Variants in EEF1A2 observed in about 807,000 individuals in gnomAD.
EEF1A2 encodes eukaryotic translation elongation factor 1 alpha 2, also known as elongation factor 1-alpha 2.
Under a neutral mutation model 39.3 loss-of-function variants are expected in EEF1A2, and 5 were observed. That is an observed-to-expected ratio of 0.13 (90% confidence interval 0.07 to 0.27). The LOEUF (loss-of-function observed/expected upper bound fraction) is 0.27, where lower values mean the gene tolerates loss of function less well. Ranked by LOEUF, EEF1A2 falls within the 10% of genes least tolerant of loss-of-function variation. EEF1A2 has a pLI of 1.00. For missense variants in EEF1A2, 218 were observed against 681.4 expected (o/e 0.32, Z 7.57); for synonymous variants, 287 against 293.7 (o/e 0.98, Z 0.23).
chr20:63,491,959 TGG>T (rs2082384075), intron 5 of EEF1A2, among the ~76,000 whole-genome samples: 1 of 4,628 alleles, frequency 2.2e-4, no homozygotes, highest in Admixed American at 3.5e-3. Flanking sequence ...GATGGGGAGG[TGG>T]ATGGATGGAT....
chr20:63,490,647 A>G lies in EEF1A2; in HGVS notation c.861T>C (p.Thr287=). Reference sequence around the variant, plus strand: ...GGTGCATCTCCACTGACTTCACCTCAGTGGTGATGTTCACTGGCGCAAAGG... The same window carrying G: ...GGTGCATCTCCACTGACTTCACCTCGGTGGTGATGTTCACTGGCGCAAAGG... ...VVTFAPVNIT[T]EVKSVEMHHE... is the part of the protein sequence containing the mutation. Residue 287 remains threonine (T), a synonymous_variant, in exon 6 of 8, where the codon ACT becomes ACC. Transcript: ENST00000217182. 1.2e-6 allele frequency: 2 copies of G among 1,612,506 alleles called. No individual in the cohort carries two copies. The highest frequency in any genetic ancestry group is 1.7e-6 in the Non-Finnish European group (2 of 1,179,890).
chr20:63,493,737 C>T (rs1277574634), intron 4 of EEF1A2, among the ~76,000 whole-genome samples: 4 of 152,238 alleles, frequency 2.6e-5, no homozygotes, highest in East Asian at 1.9e-4. Flanking sequence ...CCGAGCTTGG[C>T]CCAGCCTTGT....
chr20:63,494,019 G>A (rs915961128), intron 4 of EEF1A2, among the ~76,000 whole-genome samples: 1 of 152,258 alleles, frequency 6.6e-6, no homozygotes, highest in Non-Finnish European at 1.5e-5. Context: ...CGAGCCTCGT[G>A]AGATGGAGGC....
In EEF1A2 at chr20:63,488,791, C is replaced by T. The variant is rs1044096268; in HGVS notation, c.1264+127G>A. On this transcript the variant is annotated intron_variant, in intron 7 of 7. Coordinates refer to ENST00000217182, the MANE Select transcript of EEF1A2 (RefSeq NM_001958.5). ...GAGGCCGTGGCTCTCCTGCCATGCT[C>T]TGGGCCAAGCTCCGCAGGAAAGGGG... 3.0e-5 allele frequency: 32 copies of T among 1,073,454 alleles called. No homozygotes were observed. The East Asian group carries it at 8.3e-4, about 28-fold the overall frequency. 66.5% of individuals were successfully genotyped at this position (1,073,454 alleles called of 1,614,324 possible).
At chr20:63,492,671 TAGAG>T (rs1169811136) in intron 5 of EEF1A2, among the ~76,000 whole-genome samples, 2 of 129,712 alleles carry the variant, frequency 1.5e-5, no homozygotes, top group African/African-American at 3.0e-5. Context: ...GATGGATGGA[TAGAG>T]AGAAGGATGG....
At chr20:63,489,184 A>G in intron 6 of EEF1A2, 32 bp from the exon 7 acceptor site, 1 of 1,602,262 alleles carries the variant, frequency 6.2e-7, no homozygotes, top group Non-Finnish European at 8.5e-7. Flanking sequence ...GCCATCAGGC[A>G]CATCGGCGGT....
At chr20:63,495,817 C>A in intron 3 of EEF1A2, 39 bp downstream of exon 3, 1 of 1,603,802 alleles carries the variant, frequency 6.2e-7, no homozygotes. Flanking sequence ...AAGGGTGCAG[C>A]GGCCTCTCCC....
At position 63,498,150 on chromosome 20, in the gene EEF1A2, G is replaced by C. The variant is rs756354182; in HGVS notation, c.-71-316C>G. On this transcript the variant is annotated intron_variant, in intron 1 of 7. Transcript: ENST00000217182. The surrounding 1 kb of genome is among the most constrained non-coding windows in gnomAD (Gnocchi z 4.1). ...GACCACGCAGCGCCAGGCTGGGTACGTCCGTGACCAGCAGAGCCGGGTGAT... is the reference window on the plus strand; with the variant it reads ...GACCACGCAGCGCCAGGCTGGGTACCTCCGTGACCAGCAGAGCCGGGTGAT... The C allele has an allele frequency of 3.4e-4, 57 of 165,632 alleles. No homozygotes were observed. The highest frequency in any genetic ancestry group is 1.8e-4 in the Non-Finnish European group (14 of 76,992). 10.3% of individuals were successfully genotyped at this position (165,632 alleles called of 1,614,324 possible). A position where few individuals can be genotyped will look rare whatever the true frequency, so the allele number is the denominator to read the frequency against.
intron 7 of EEF1A2, 127 bp from the exon 8 acceptor site, chr20:63,488,552 G>A (rs1039114301): frequency 8.0e-6 from 10 of 1,254,860 alleles, no homozygotes; most frequent in African/African-American, 1.6e-5. Context: ...CGCAGAGCGC[G>A]CCCCTGTGAA....
intron 4 of EEF1A2, among the ~76,000 whole-genome samples, chr20:63,493,962 G>C (rs915054189): frequency 6.6e-6 from 1 of 152,220 alleles, no homozygotes; most frequent in Non-Finnish European, 1.5e-5. Flanking sequence ...AGTGGCGTTC[G>C]CCACATGATA....
chr20:63,488,643 C>T (rs1283848950), intron 7 of EEF1A2, among the ~76,000 whole-genome samples: 1 of 152,236 alleles, frequency 6.6e-6, no homozygotes, highest in Admixed American at 6.5e-5. Flanking sequence ...GCAGCCCTAA[C>T]GCTGCCACTG....
chr20:63,495,254 A>G (rs1464574465), intron 3 of EEF1A2, among the ~76,000 whole-genome samples, 153 bp from the exon 4 acceptor site: 2 of 152,148 alleles, frequency 1.3e-5, no homozygotes, highest in East Asian at 3.9e-4. Flanking sequence ...GGGGGTCCCC[A>G]CTTCAAGGGC....
intron 5 of EEF1A2, among the ~76,000 whole-genome samples, chr20:63,491,728 GGGGAGATGGATGAGTA>G (rs2082379828): frequency 6.6e-6 from 1 of 151,148 alleles, no homozygotes; most frequent in African/African-American, 2.4e-5. Flanking sequence ...AAGGATGGGT[GGGGAGATGGATGAGTA>G]GGGAGATGGA....
Position 63,488,294 on chromosome 20 carries a change from C to T in EEF1A2, c.*4G>A. On this transcript the variant is annotated 3_prime_UTR_variant, in exon 8 of 8. Coordinates refer to ENST00000217182, the MANE Select transcript of EEF1A2 (RefSeq NM_001958.5). ...GGGAGGGTCGCGCCGCGGGCGCCCG[C>T]GCTTCACTTGCCCGCCTTCTGCGCC... 2 of 1,320,530 alleles carry T rather than the reference C, an allele frequency of 1.5e-6. No individual in the cohort carries two copies. The highest frequency in any genetic ancestry group is 2.0e-6 in the Non-Finnish European group (2 of 1,021,256). 81.8% of individuals were successfully genotyped at this position (1,320,530 alleles called of 1,614,324 possible). A position where few individuals can be genotyped will look rare whatever the true frequency, so the allele number is the denominator to read the frequency against.
Position 63,488,308 on chromosome 20 carries a change from G to T in EEF1A2, c.1382C>A (p.Ala461Glu). ...GCGGGCGCCCGCGCTTCACTTGCCCGCCTTCTGCGCCTTCTGCGCCGACTT... is the reference window on the plus strand; with the variant it reads ...GCGGGCGCCCGCGCTTCACTTGCCCTCCTTCTGCGCCTTCTGCGCCGACTT... Reference protein sequence around the residue: ...VTKSAQKAQKAGK With the variant: ...VTKSAQKAQKEGK Residue 461 changes from alanine (A) to glutamate (E), a missense_variant, in exon 8 of 8, where the codon GCG becomes GAG. Ala to Glu is a moderately radical substitution (Grantham distance 107). This residue lies in a region of EEF1A2 where 31 missense variants were observed against 57.0 expected (regional missense o/e 0.54). Coordinates refer to ENST00000217182, the MANE Select transcript of EEF1A2 (RefSeq NM_001958.5). 1 of 1,377,664 alleles carries T rather than the reference G, an allele frequency of 7.3e-7. No individual in the cohort carries two copies. 85.3% of individuals were successfully genotyped at this position (1,377,664 alleles called of 1,614,324 possible).
chr20:63,495,705 C>T, intron 3 of EEF1A2, 151 bp downstream of exon 3: 4 of 985,234 alleles, frequency 4.1e-6, no homozygotes, highest in Middle Eastern at 3.2e-4. Flanking sequence ...GGCTCTGAGC[C>T]AGACTGGGTG....
chr20:63,488,523 G>A, intron 7 of EEF1A2, 98 bp from the exon 8 acceptor site: 1 of 1,291,124 alleles, frequency 7.7e-7, no homozygotes, highest in Non-Finnish European at 9.9e-7. Flanking sequence ...CGTCGGGAAT[G>A]TCCTCGGAAC....
intron 4 of EEF1A2, 65 bp downstream of exon 4, chr20:63,494,740 G>A: frequency 1.9e-6 from 3 of 1,540,806 alleles, no homozygotes; most frequent in South Asian, 2.4e-5. Flanking sequence ...ACCTGCCGGT[G>A]CCTCGCTCTG....
chr20:63,490,778 G>T, intron 5 of EEF1A2, 43 bp from the exon 6 acceptor site: 1 of 1,568,332 alleles, frequency 6.4e-7, no homozygotes, highest in Non-Finnish European at 8.6e-7. Context: ...GGGCCCGAGG[G>T]GATGCTGGGG....
Sources: allele counts gnomAD v4.1 joint callset (sites outside exome capture counted in the v4.1 genomes callset), GRCh38; gene constraint gnomAD v4.1.1; regional missense constraint gnomAD v4.1.1; non-coding constraint Gnocchi (gnomAD v3.1); transcripts MANE v1.5; gene names NCBI Gene and HGNC (gene_info 2026-07-23, HGNC 2026-07-21).